SUPT3H: variants seen among roughly 807,000 people sequenced by gnomAD.
The protein encoded by SUPT3H is SPT3 homolog, SAGA and STAGA complex component.
SUPT3H carries 44 observed loss-of-function variants against 44.3 expected under a neutral mutation model. The observed-to-expected ratio is 0.99, with a 90% CI of 0.78 to 1.28. SUPT3H has a LOEUF of 1.28. SUPT3H is among the 50% of genes most tolerant of loss of function. The pLI, the probability that SUPT3H is intolerant of heterozygous loss-of-function variation, is 0.00. For synonymous variants in SUPT3H, 124 were observed against 125.6 expected (o/e 0.99, Z 0.09); for missense variants, 380 against 387.1 (o/e 0.98, Z 0.15).
chr6:45,007,128 T>C (rs1257399432), intron 5 of SUPT3H, among the ~76,000 whole-genome samples: 1 of 152,160 alleles, frequency 6.6e-6, no homozygotes, highest in Non-Finnish European at 1.5e-5. Flanking sequence ...TTCTAGTGCC[T>C]TCTAGCTTCC....
At position 45,043,171 on chromosome 6, in the gene SUPT3H, G is replaced by GCA. The variant is rs1275026821; in HGVS notation, c.187-22541_187-22540dup. ...CACACACACACACACACACACACACGCACACACACAAACACCAAAACCAAG... is the reference window on the plus strand; with the variant it reads ...CACACACACACACACACACACACACGCACACACACACAAACACCAAAACCAAG... On this transcript the variant is annotated intron_variant, in intron 3 of 10. Transcript: ENST00000371459. Among the ~76,000 whole-genome samples, 54 of 82,108 alleles carry GCA rather than the reference G, an allele frequency of 6.6e-4. No homozygotes were observed. The East Asian group carries it at 0.011, about 16-fold the overall frequency. The allele number at this position is 82,108 out of a possible 152,430, so 53.9% of individuals were successfully genotyped here. A position where few individuals can be genotyped will look rare whatever the true frequency, so the allele number is the denominator to read the frequency against.
chr6:44,903,467 C>A (rs1238590758), intron 10 of SUPT3H, among the ~76,000 whole-genome samples: 2 of 152,128 alleles, frequency 1.3e-5, no homozygotes, highest in Non-Finnish European at 2.9e-5. Context: ...TACACCCTCC[C>A]AAGACTAAAC....
intron 10 of SUPT3H, among the ~76,000 whole-genome samples, chr6:44,881,956 C>T (rs12202609): frequency 0.21 from 31,330 of 152,040 alleles, 3,942 homozygotes; most frequent in Non-Finnish European, 0.29. Flanking sequence ...AATCGACACC[C>T]TAACATCACA....
chr6:45,023,052 G>A (rs1312881401), intron 3 of SUPT3H, among the ~76,000 whole-genome samples: 1 of 151,880 alleles, frequency 6.6e-6, no homozygotes, highest in African/African-American at 2.4e-5. Flanking sequence ...ACTAAAGAAA[G>A]TTTTCTTTAA....
intron 5 of SUPT3H, among the ~76,000 whole-genome samples, chr6:45,005,441 C>T (rs563378235): frequency 2.0e-5 from 3 of 152,172 alleles, no homozygotes; most frequent in East Asian, 1.9e-4. Context: ...TCTTTTGCCA[C>T]TAAAAAATTT....
In SUPT3H at chr6:44,985,090, G is replaced by A. The variant is rs113076375; in HGVS notation, c.504+18563C>T. Among the ~76,000 whole-genome samples the A allele has an allele frequency of 5.5e-3, 829 of 151,456 alleles. 12 individuals are homozygous for A. The highest frequency in any genetic ancestry group is 0.019 in the African/African-American group (791 of 41,258). On this transcript the variant is annotated intron_variant, in intron 6 of 10. Transcript: ENST00000371459. ...ATGGCAGCTCATGCCTGTAATCCTC[G>A]TGTTCTGGGAGGCTGTGATGGAAAG...
At chr6:45,200,930 TTCTC>T (rs1762379422) in intron 2 of SUPT3H, among the ~76,000 whole-genome samples, 1 of 151,508 alleles carries the variant, frequency 6.6e-6, no homozygotes, top group African/African-American at 2.4e-5. Flanking sequence ...AAATCAAAGT[TTCTC>T]TCTTGTCAAT....
At chr6:45,314,374 G>T (rs12191751) in intron 2 of SUPT3H, among the ~76,000 whole-genome samples, 34,517 of 151,936 alleles carry the variant, frequency 0.23, 4,604 homozygotes, top group Non-Finnish European at 0.31. Flanking sequence ...CTGACAATAT[G>T]ATTGTTTACC....
chr6:44,934,588 CTCTGGGAATTGA>C (rs962950773), intron 9 of SUPT3H, among the ~76,000 whole-genome samples: 3 of 152,152 alleles, frequency 2.0e-5, no homozygotes, highest in African/African-American at 7.2e-5. Context: ...GATAAGAAGC[CTCTGGGAATTGA>C]TTTATCCACG....
chr6:45,010,057 T>C (rs922296410), intron 5 of SUPT3H, among the ~76,000 whole-genome samples: 1 of 152,156 alleles, frequency 6.6e-6, no homozygotes, highest in African/African-American at 2.4e-5. Context: ...TGCAGGTCTT[T>C]AGTAATTTTA....
At chr6:45,128,974 C>T (rs558308322) in intron 2 of SUPT3H, among the ~76,000 whole-genome samples, 1 of 152,298 alleles carries the variant, frequency 6.6e-6, no homozygotes, top group South Asian at 2.1e-4. Context: ...GCATGGGCCA[C>T]CACGCCTGGC....
intron 10 of SUPT3H, among the ~76,000 whole-genome samples, chr6:44,856,741 T>A (rs1412002120): frequency 1.3e-5 from 2 of 152,160 alleles, no homozygotes; most frequent in Non-Finnish European, 2.9e-5. Flanking sequence ...AAACGCCTTA[T>A]AAATTAAACA....
chr6:45,079,425 G>C lies in SUPT3H; in HGVS notation c.186+26497C>G, dbSNP rs576824181. Among the ~76,000 whole-genome samples, 385 of 92,412 alleles carry C rather than the reference G, an allele frequency of 4.2e-3. 2 individuals carry two copies. The highest frequency in any genetic ancestry group is 9.3e-3 in the African/African-American group (305 of 32,744). 60.6% of individuals were successfully genotyped at this position (92,412 alleles called of 152,430 possible). A position where few individuals can be genotyped will look rare whatever the true frequency, so the allele number is the denominator to read the frequency against. ...AGTGGGGAGGAGAAGGAAGAAGAAG[G>C]GGGAAGAGGAGGAAGAAGAAGGGGG... On this transcript the variant is annotated intron_variant, in intron 3 of 10. Coordinates refer to ENST00000371459, the MANE Select transcript of SUPT3H (RefSeq NM_003599.4).
chr6:44,906,063 T>C (rs9463052), intron 10 of SUPT3H, among the ~76,000 whole-genome samples: 5,791 of 152,224 alleles, frequency 0.038, 146 homozygotes, highest in Middle Eastern at 0.065. Flanking sequence ...TTAGGAGATA[T>C]ACCTAATGTT....
chr6:45,299,633 T>C (rs1196253336), intron 2 of SUPT3H, among the ~76,000 whole-genome samples: 2 of 151,448 alleles, frequency 1.3e-5, no homozygotes, highest in Non-Finnish European at 2.9e-5. Context: ...ATTTTAATGG[T>C]AGCTAAAAAA....
intron 3 of SUPT3H, among the ~76,000 whole-genome samples, chr6:45,048,221 CTTTT>C (rs67557043): frequency 9.1e-5 from 8 of 88,210 alleles, no homozygotes; most frequent in African/African-American, 4.3e-4. Flanking sequence ...TCTCTCTACT[CTTTT>C]TTTTTTTTTT....
chr6:44,970,574 C>CT (rs372017488), intron 6 of SUPT3H, among the ~76,000 whole-genome samples: 330 of 142,004 alleles, frequency 2.3e-3, no homozygotes, highest in South Asian at 0.01. Flanking sequence ...TGTTACAACC[C>CT]TTTTTTTTTT....
At chr6:45,149,149 C>T (rs1806535878) in intron 2 of SUPT3H, among the ~76,000 whole-genome samples, 1 of 152,088 alleles carries the variant, frequency 6.6e-6, no homozygotes, top group Non-Finnish European at 1.5e-5. Flanking sequence ...GACAAATATG[C>T]ATTGGTATGA....
chr6:45,144,230 G>A (rs936924412), intron 2 of SUPT3H, among the ~76,000 whole-genome samples: 1 of 151,800 alleles, frequency 6.6e-6, no homozygotes, highest in South Asian at 2.1e-4. Flanking sequence ...AACCAGAAAA[G>A]GACATAACAA....
Sources: gnomAD v4.1 joint callset for allele counts (sites outside exome capture counted in the v4.1 genomes callset) on GRCh38, gnomAD v4.1.1 for gene constraint, MANE v1.5 for transcripts, NCBI Gene and HGNC (gene_info 2026-07-23, HGNC 2026-07-21) for gene names.